The following LRP12 variants were observed in gnomAD, a reference collection of about 807,000 sequenced individuals.
LRP12 encodes LDL receptor related protein 12, also known as low-density lipoprotein receptor-related protein 12.
LRP12 carries 14 observed loss-of-function variants against 66.0 expected under a neutral mutation model. The observed-to-expected ratio is 0.21, with a 90% CI of 0.14 to 0.33. The LOEUF (loss-of-function observed/expected upper bound fraction) is 0.33, where lower values mean the gene tolerates loss of function less well. LRP12 is among the 10% of genes least tolerant of loss of function. The pLI is 1.00. For synonymous variants in LRP12, 357 were observed against 359.1 expected (o/e 0.99, Z 0.07); for missense variants, 889 against 1,053.4 (o/e 0.84, Z 2.16).
intron 1 of LRP12, among the ~76,000 whole-genome samples, chr8:104,547,380 A>G: frequency 7.4e-6 from 1 of 134,834 alleles, no homozygotes; most frequent in Non-Finnish European, 1.6e-5. Flanking sequence ...CAATTCTGTT[A>G]TATTTTGTAT....
chr8:104,575,809 A>G (rs1020829999), intron 1 of LRP12, among the ~76,000 whole-genome samples: 8 of 152,132 alleles, frequency 5.3e-5, no homozygotes, highest in African/African-American at 1.7e-4. Flanking sequence ...TTGAATATGA[A>G]TAGTAACAAA....
chr8:104,560,663 C>T (rs1025453896), intron 1 of LRP12, among the ~76,000 whole-genome samples: 1 of 152,116 alleles, frequency 6.6e-6, no homozygotes, highest in South Asian at 2.1e-4. Flanking sequence ...ACATACATAT[C>T]TCTCAAAATA....
chr8:104,583,800 A>G (rs1295807805), intron 1 of LRP12, among the ~76,000 whole-genome samples: 1 of 152,200 alleles, frequency 6.6e-6, no homozygotes, highest in Non-Finnish European at 1.5e-5. Context: ...ATCTGACAGG[A>G]TTGCCAAATA....
intron 1 of LRP12, among the ~76,000 whole-genome samples, chr8:104,575,551 C>T (rs1812152883): frequency 6.6e-6 from 1 of 152,098 alleles, no homozygotes; most frequent in South Asian, 2.1e-4. Flanking sequence ...GAAATGAAGT[C>T]AGTCAGCTGG....
At position 104,589,000 on chromosome 8, in the gene LRP12, AGCCACCGGCT is replaced by A. The variant is rs1022097776; in HGVS notation, c.-113_-104del. ...GCCGCCGCCGCCGCCGCCGCCGCCG[AGCCACCGGCT>A]GCTCCCTGCGCTCTCCGCGGCTGCG... is the stretch of plus-strand genomic sequence containing the variant. On this transcript the variant is annotated 5_prime_UTR_variant, in exon 1 of 7. Transcript: ENST00000276654. 7.0e-5 allele frequency: 34 copies of A among 484,668 alleles called. No homozygotes were observed. Among genetic ancestry groups the A allele is most frequent in the Non-Finnish European group, 1.1e-4 (32 of 292,788 alleles). The allele number at this position is 484,668 out of a possible 1,614,324, so 30.0% of individuals were successfully genotyped here. A position where few individuals can be genotyped will look rare whatever the true frequency, so the allele number is the denominator to read the frequency against.
At chr8:104,552,350 T>C (rs1037595699) in intron 1 of LRP12, among the ~76,000 whole-genome samples, 1 of 150,234 alleles carries the variant, frequency 6.7e-6, no homozygotes, top group Non-Finnish European at 1.5e-5. Flanking sequence ...ATCTAATAAA[T>C]GTATAAATAT....
At chr8:104,523,694 A>G (rs1200950408) in intron 2 of LRP12, among the ~76,000 whole-genome samples, 1 of 152,154 alleles carries the variant, frequency 6.6e-6, no homozygotes, top group Non-Finnish European at 1.5e-5. Flanking sequence ...GGATCCATAC[A>G]AAGTGCCACT....
At chr8:104,560,946 T>C (rs1811898313) in intron 1 of LRP12, among the ~76,000 whole-genome samples, 1 of 152,182 alleles carries the variant, frequency 6.6e-6, no homozygotes, top group Admixed American at 6.5e-5. Context: ...TTTGTGGTGT[T>C]GCTTCTTTCT....
intron 1 of LRP12, among the ~76,000 whole-genome samples, chr8:104,550,779 T>C (rs1247023910): frequency 2.0e-5 from 3 of 152,210 alleles, no homozygotes; most frequent in Non-Finnish European, 4.4e-5. Flanking sequence ...TAGTGCCTGG[T>C]TCATATTAGA....
At chr8:104,524,071 C>A (rs113770884) in intron 2 of LRP12, among the ~76,000 whole-genome samples, 2,720 of 151,786 alleles carry the variant, frequency 0.018, 87 homozygotes, top group African/African-American at 0.061. Flanking sequence ...CATGGCAAAA[C>A]CCCGTCTCTA....
chr8:104,548,185 T>TATATAATATATAATATATA (rs1393316805), intron 1 of LRP12, among the ~76,000 whole-genome samples: 14 of 103,220 alleles, frequency 1.4e-4, no homozygotes, highest in African/African-American at 5.0e-4. Context: ...TAATATATAA[T>TATATAATATATAATATATA]ATATATATAA....
At chr8:104,552,563 C>A (rs1390682800) in intron 1 of LRP12, among the ~76,000 whole-genome samples, 2 of 152,016 alleles carry the variant, frequency 1.3e-5, no homozygotes, top group Non-Finnish European at 2.9e-5. Flanking sequence ...CTTACTTCTA[C>A]TTAAGTCATC....
intron 3 of LRP12, among the ~76,000 whole-genome samples, chr8:104,503,328 C>CA (rs59353283): frequency 0.042 from 1,278 of 30,078 alleles, 287 homozygotes; most frequent in Middle Eastern, 0.1. Flanking sequence ...CTGTGTCTCT[C>CA]AAAAAAAAAA....
At chr8:104,557,974 C>G (rs1347517614) in intron 1 of LRP12, among the ~76,000 whole-genome samples, 1 of 152,098 alleles carries the variant, frequency 6.6e-6, no homozygotes, top group Non-Finnish European at 1.5e-5. Context: ...CTCTGGGAGG[C>G]CAAAGCGGGA....
At chr8:104,582,129 T>C (rs186414080) in intron 1 of LRP12, among the ~76,000 whole-genome samples, 41 of 152,286 alleles carry the variant, frequency 2.7e-4, no homozygotes, top group African/African-American at 9.6e-4. Context: ...AATCCTAATA[T>C]TAAAAGATTG....
intron 2 of LRP12, among the ~76,000 whole-genome samples, chr8:104,509,790 C>G (rs760087743): frequency 2.0e-5 from 3 of 152,130 alleles, no homozygotes; most frequent in Admixed American, 2.0e-4. Flanking sequence ...AAAAGAAATT[C>G]ATGCTAGTTT....
rs550648062 is a variant in LRP12 at position 104,501,046 on chromosome 8, G to A, written c.273-1527C>T. ...AGATTGAAATCCTTTTCCAATTTTTGGGTTATTTCTATTTCTTTTACTCCA... is the reference window on the plus strand; with the variant it reads ...AGATTGAAATCCTTTTCCAATTTTTAGGTTATTTCTATTTCTTTTACTCCA... On this transcript the variant is annotated intron_variant, in intron 3 of 6. Coordinates refer to ENST00000276654, the MANE Select transcript of LRP12 (RefSeq NM_013437.5). Among the ~76,000 whole-genome samples the A allele has an allele frequency of 2.0e-4, 30 of 152,142 alleles. No homozygotes were observed. In the South Asian group the frequency reaches 6.2e-3, roughly 32 times the overall value.
At position 104,493,017 on chromosome 8, in the gene LRP12, A is replaced by G. The variant is rs1244934936; in HGVS notation, c.1714-1478T>C. Among the ~76,000 whole-genome samples the G allele has an allele frequency of 3.3e-5, 5 of 152,216 alleles. 1 individual carries two copies. The highest frequency in any genetic ancestry group is 7.3e-5 in the Non-Finnish European group (5 of 68,038). Reference sequence around the variant, plus strand: ...TGTTATCCTCTGTTGTGCTGCTATTAGCCATCAAGATCAACAATGCCTTCA... The same window carrying G: ...TGTTATCCTCTGTTGTGCTGCTATTGGCCATCAAGATCAACAATGCCTTCA... On this transcript the variant is annotated intron_variant, in intron 6 of 6. Coordinates refer to ENST00000276654, the MANE Select transcript of LRP12 (RefSeq NM_013437.5).
chr8:104,498,108 G>A, intron 4 of LRP12, 32 bp from the exon 5 acceptor site: 1 of 1,517,934 alleles, frequency 6.6e-7, no homozygotes, highest in Non-Finnish European at 8.8e-7. Flanking sequence ...TAGATGGAAA[G>A]AGAAGGAGAA....
Sources: gnomAD v4.1 joint callset for allele counts (sites outside exome capture counted in the v4.1 genomes callset) on GRCh38, gnomAD v4.1.1 for gene constraint, MANE v1.5 for transcripts, NCBI Gene and HGNC (gene_info 2026-07-23, HGNC 2026-07-21) for gene names.